The following NXN variants were observed in gnomAD, a reference collection of about 807,000 sequenced individuals.
NXN encodes nucleoredoxin 1.
Under a neutral mutation model 48.6 loss-of-function variants are expected in NXN, and 16 were observed. That is an observed-to-expected ratio of 0.33 (90% CI 0.22 to 0.50). NXN has a LOEUF of 0.50. Ranked by LOEUF, NXN falls within the 20% of genes least tolerant of loss-of-function variation. The pLI is 0.98. For synonymous variants in NXN, 281 were observed against 269.6 expected, an observed-to-expected ratio of 1.04 and a Z score of -0.41; for missense variants, 492 against 605.5, an observed-to-expected ratio of 0.81 and a Z score of 1.97.
intron 1 of NXN, among the ~76,000 whole-genome samples, chr17:886,364 C>T (rs543913235): frequency 3.3e-5 from 5 of 152,132 alleles, no homozygotes; most frequent in Non-Finnish European, 2.9e-5. Context: ...TTGCTCTTAC[C>T]GAGCCAGAGG....
chr17:930,834 C>T (rs1398918099), intron 1 of NXN, among the ~76,000 whole-genome samples: 1 of 149,278 alleles, frequency 6.7e-6, no homozygotes, highest in African/African-American at 2.5e-5. Context: ...TGCAGTGGTG[C>T]GATCTCGGCT....
rs146448617 is a variant in NXN, at chr17:936,515, G to A, written c.360+42804C>T. Among the ~76,000 whole-genome samples, 200 of 151,430 alleles carry A rather than the reference G, an allele frequency of 1.3e-3. 1 individual carries two copies. In the East Asian group the frequency reaches 0.032, roughly 24 times the overall value. On this transcript the variant is annotated intron_variant, in intron 1 of 7. Transcript: ENST00000336868. ...ATGATTCTCTCCTTCCACACCTTCC[G>A]GTCCCCAAAAGTGACTGAAAGCAGG...
Position 848,979 on chromosome 17 carries a change from C to T in NXN, c.361-22901G>A, listed in dbSNP as rs149810025. Among the ~76,000 whole-genome samples, 615 of 152,336 alleles carry T rather than the reference C, an allele frequency of 4.0e-3. 2 individuals carry two copies. The highest frequency in any genetic ancestry group is 7.1e-3 in the Non-Finnish European group (484 of 68,028). ...ATAAACACTTATTGAGCATCTCAAA[C>T]CTACCAGGCATTTGTGCCAGACGGT... On this transcript the variant is annotated intron_variant, in intron 1 of 7. Coordinates refer to ENST00000336868, the MANE Select transcript of NXN (RefSeq NM_022463.5).
At chr17:965,426 G>A (rs1189186435) in intron 1 of NXN, among the ~76,000 whole-genome samples, 4 of 152,124 alleles carry the variant, frequency 2.6e-5, no homozygotes, top group African/African-American at 7.2e-5. Context: ...CCAAACACAC[G>A]TCATTTCAGA....
At chr17:939,039 T>C (rs56138204) in intron 1 of NXN, among the ~76,000 whole-genome samples, 38,966 of 151,224 alleles carry the variant, frequency 0.26, 5,342 homozygotes, top group African/African-American at 0.32. Context: ...GCGACAAGGG[T>C]GAGACTCCCT....
At chr17:841,659 A>ACACC (rs1914311926) in intron 1 of NXN, among the ~76,000 whole-genome samples, 1 of 140,760 alleles carries the variant, frequency 7.1e-6, no homozygotes. Flanking sequence ...AGCGCATCTC[A>ACACC]CGCCGGCGAG....
At chr17:948,716 C>T (rs897438533) in intron 1 of NXN, among the ~76,000 whole-genome samples, 1 of 151,866 alleles carries the variant, frequency 6.6e-6, no homozygotes, top group Non-Finnish European at 1.5e-5. Context: ...CCCGGCCCGT[C>T]CCGCCCCAGC....
intron 1 of NXN, among the ~76,000 whole-genome samples, chr17:872,583 T>G (rs868521489): frequency 6.7e-6 from 1 of 149,998 alleles, no homozygotes; most frequent in Non-Finnish European, 1.5e-5. Flanking sequence ...TGATCCTGAG[T>G]GTGTCTGTGA....
At chr17:856,361 C>T (rs868027020) in intron 1 of NXN, among the ~76,000 whole-genome samples, 4 of 152,256 alleles carry the variant, frequency 2.6e-5, no homozygotes, top group South Asian at 4.1e-4. Context: ...TCATGGAGGT[C>T]TTTCCCTCTG....
At chr17:877,112 T>G (rs1439156352) in intron 1 of NXN, among the ~76,000 whole-genome samples, 3 of 151,816 alleles carry the variant, frequency 2.0e-5, no homozygotes, top group Admixed American at 1.3e-4. Flanking sequence ...TCTTAATATA[T>G]TAAACAAACG....
intron 1 of NXN, chr17:929,528 CTTCCCAATA>C (rs2068833189): frequency 6.6e-6 from 1 of 152,154 alleles, no homozygotes; most frequent in Non-Finnish European, 1.5e-5. Context: ...TTTATTTAAC[CTTCCCAATA>C]TTCCAGGAAG....
chr17:968,337 G>C (rs991117147), intron 1 of NXN, among the ~76,000 whole-genome samples: 1 of 152,204 alleles, frequency 6.6e-6, no homozygotes, highest in African/African-American at 2.4e-5. Context: ...GCTCAAAAGA[G>C]GGTGCGGGAT....
chr17:959,965 G>A (rs1348958871), intron 1 of NXN, among the ~76,000 whole-genome samples: 2 of 152,094 alleles, frequency 1.3e-5, no homozygotes, highest in Non-Finnish European at 2.9e-5. Flanking sequence ...GGTGGCAGGT[G>A]CCTGTAATCA....
intron 1 of NXN, among the ~76,000 whole-genome samples, chr17:885,070 G>A (rs906320944): frequency 3.9e-5 from 6 of 152,332 alleles, no homozygotes; most frequent in Middle Eastern, 3.4e-3. Context: ...GGCCTCCTGG[G>A]TGGGATGATA....
intron 1 of NXN, among the ~76,000 whole-genome samples, chr17:874,890 C>T (rs1366185144): frequency 6.6e-6 from 1 of 152,216 alleles, no homozygotes; most frequent in Non-Finnish European, 1.5e-5. Flanking sequence ...AAATAAATTA[C>T]TGGCGCAAAA....
chr17:948,269 C>T (rs1015540923), intron 1 of NXN, among the ~76,000 whole-genome samples: 10 of 151,878 alleles, frequency 6.6e-5, no homozygotes, highest in East Asian at 3.9e-4. Flanking sequence ...GATGATCACA[C>T]GTTGTATGCC....
chr17:954,637 G>C (rs898441362), intron 1 of NXN, among the ~76,000 whole-genome samples: 1 of 152,242 alleles, frequency 6.6e-6, no homozygotes, highest in African/African-American at 2.4e-5. Flanking sequence ...CCGAGTGCCA[G>C]GTGCTCAGGT....
intron 1 of NXN, among the ~76,000 whole-genome samples, chr17:923,048 C>G (rs2068764458): frequency 6.6e-6 from 1 of 152,128 alleles, no homozygotes; most frequent in Admixed American, 6.5e-5. Context: ...TTCAACTCGA[C>G]TTACTCACCT....
intron 1 of NXN, among the ~76,000 whole-genome samples, chr17:855,009 C>T (rs1322667254): frequency 1.3e-5 from 2 of 151,532 alleles, no homozygotes; most frequent in Non-Finnish European, 2.9e-5. Flanking sequence ...AGTGCAGAGG[C>T]TCACACCTAT....
Sources: allele counts gnomAD v4.1 joint callset (sites outside exome capture counted in the v4.1 genomes callset), GRCh38; gene constraint gnomAD v4.1.1; transcripts MANE v1.5; gene names NCBI Gene and HGNC (gene_info 2026-07-23, HGNC 2026-07-21).